Variants in GALP observed in about 807,000 individuals in gnomAD.
GALP encodes galanin like peptide.
In GALP, 12 loss-of-function variants were observed where a neutral mutation model predicts 15.2. The observed-to-expected ratio is 0.79, with a 90% CI of 0.51 to 1.28. The LOEUF (loss-of-function observed/expected upper bound fraction) is 1.28. Ranked by LOEUF, GALP falls within the 50% of genes most tolerant of loss-of-function variation. The pLI is 0.00. For synonymous variants in GALP, 58 were observed against 55.1 expected (o/e 1.05, Z -0.23); for missense variants, 161 against 145.6 (o/e 1.11, Z -0.55).
In GALP at chr19:56,180,657, C is replaced by G. The variant is rs769845070; in HGVS notation, c.136+23C>G. ...CCGGTGAGTGAGGCTGCGCTCAGCT[C>G]TCCATCCCTGGCCCGAGTCTGCCTG... On this transcript the variant is annotated intron_variant, in intron 3 of 5. Coordinates refer to ENST00000357330, the MANE Select transcript of GALP (RefSeq NM_033106.4). 1.9e-6 allele frequency: 3 copies of G among 1,607,616 alleles called. No individual in the cohort carries two copies. In the East Asian group the frequency reaches 6.7e-5, roughly 36 times the overall value.
chr19:56,182,491 G>A (rs563773655), intron 4 of GALP, among the ~76,000 whole-genome samples: 2 of 152,228 alleles, frequency 1.3e-5, no homozygotes, highest in East Asian at 1.9e-4. Flanking sequence ...CATGGGCCCC[G>A]TGTTTTCTCT....
chr19:56,181,382 G>GTC (rs1347230930), intron 3 of GALP, among the ~76,000 whole-genome samples: 12 of 131,880 alleles, frequency 9.1e-5, no homozygotes, highest in Admixed American at 5.6e-4. Flanking sequence ...GCTATTCTTT[G>GTC]TCTCTCTCTC....
At chr19:56,181,460 G>C (rs1399234874) in intron 3 of GALP, among the ~76,000 whole-genome samples, 1 of 130,628 alleles carries the variant, frequency 7.7e-6, no homozygotes, top group Non-Finnish European at 1.5e-5. Flanking sequence ...CTGGAGTGCA[G>C]TGGCGCCAAT....
At chr19:56,182,090 A>T in intron 3 of GALP, 82 bp from the exon 4 acceptor site, 1 of 976,380 alleles carries the variant, frequency 1.0e-6, no homozygotes, top group African/African-American at 1.6e-5. Context: ...CCGGTGAGCC[A>T]TGCTGTTGAA....
In GALP at chr19:56,177,186, T is replaced by G; in HGVS notation, c.78T>G (p.Pro26=). 1 of 1,613,364 alleles carries G rather than the reference T, an allele frequency of 6.2e-7. No individual in the cohort carries two copies. Among genetic ancestry groups the G allele is most frequent in the Non-Finnish European group, 8.5e-7 (1 of 1,179,682 alleles). Residue 26 remains proline (P), a synonymous_variant, in exon 2 of 6, where the codon CCT becomes CCG. Transcript: ENST00000357330. The part of the protein sequence containing the change: ...LSLAETPASA[P]AHRGRGGWTL... ...TGGCAGAGACTCCAGCATCCGCACC[T>G]GCCCACCGGGTAACGCCTCCCTAAG...
chr19:56,182,591 C>T (rs942374652), intron 4 of GALP, among the ~76,000 whole-genome samples: 5 of 152,084 alleles, frequency 3.3e-5, no homozygotes, highest in Non-Finnish European at 5.9e-5. Context: ...AGAAAATGCA[C>T]GTTAATTTCC....
chr19:56,184,448 A>G (rs928053052), intron 5 of GALP, among the ~76,000 whole-genome samples: 1 of 141,528 alleles, frequency 7.1e-6, no homozygotes, highest in African/African-American at 2.6e-5. Flanking sequence ...CCCCAACCCC[A>G]TCTCCTTCTT....
rs10656072 is a variant in GALP at position 56,181,395 on chromosome 19, C to CTTTTT, written c.137-755_137-751dup. On this transcript the variant is annotated intron_variant, in intron 3 of 5. Transcript: ENST00000357330. Reference sequence around the variant, plus strand: ...CTGCTATTCTTTGTCTCTCTCTCTCCTTTTTTTTTTTTTTTTTTTTTTTTT... The same window carrying CTTTTT: ...CTGCTATTCTTTGTCTCTCTCTCTCCTTTTTTTTTTTTTTTTTTTTTTTTTTTTTT... Among the ~76,000 whole-genome samples, 5 of 81,316 alleles carry CTTTTT rather than the reference C, an allele frequency of 6.1e-5. 1 individual carries two copies. The highest frequency in any genetic ancestry group is 1.1e-4 in the Non-Finnish European group (5 of 44,566). The allele number at this position is 81,316 out of a possible 152,430, so 53.3% of individuals were successfully genotyped here. A position where few individuals can be genotyped will look rare whatever the true frequency, so the allele number is the denominator to read the frequency against.
chr19:56,180,063 C>T (rs1020020110), intron 2 of GALP, among the ~76,000 whole-genome samples: 7 of 152,184 alleles, frequency 4.6e-5, no homozygotes, highest in Admixed American at 2.0e-4. Flanking sequence ...AGGCGAGAGC[C>T]ACCACGCCCG....
At chr19:56,182,035 G>A in intron 3 of GALP, 137 bp from the exon 4 acceptor site, 7 of 676,476 alleles carry the variant, frequency 1.0e-5, no homozygotes, top group Admixed American at 8.8e-5. Flanking sequence ...AGGTAGGGAC[G>A]GTCAACACGC....
At chr19:56,179,818 T>C (rs550298748) in intron 2 of GALP, among the ~76,000 whole-genome samples, 5 of 152,130 alleles carry the variant, frequency 3.3e-5, no homozygotes, top group African/African-American at 9.6e-5. Context: ...TTTTGTTTTA[T>C]TGAGACGGAG....
chr19:56,184,462 T>A lies in GALP; in HGVS notation c.296-753T>A, dbSNP rs960499844. The stretch of plus-strand genomic sequence containing the variant: ...GCCCCAACCCCATCTCCTTCTTCAA[T>A]CCTTTTTTTTCTTTTCTTTTTCTTT... On this transcript the variant is annotated intron_variant, in intron 5 of 5. Transcript: ENST00000357330. 2.8e-5 allele frequency among the ~76,000 whole-genome samples: 4 copies of A among 144,506 alleles called. No homozygotes were observed. The Admixed American group carries it at 2.8e-4, about 10-fold the overall frequency. The allele number at this position is 144,506 out of a possible 152,430, so 94.8% of individuals were successfully genotyped here.
intron 2 of GALP, among the ~76,000 whole-genome samples, chr19:56,179,312 CTT>C (rs59121203): frequency 2.1e-5 from 3 of 139,890 alleles, no homozygotes; most frequent in East Asian, 2.0e-4. Flanking sequence ...CTCTTTCTTT[CTT>C]TTTTTTTTTT....
In GALP at chr19:56,177,196, G is replaced by C; in HGVS notation, c.87+1G>C. Reference sequence around the variant, plus strand: ...TCCAGCATCCGCACCTGCCCACCGGGTAACGCCTCCCTAAGTTCCTCGGAA... The same window carrying C: ...TCCAGCATCCGCACCTGCCCACCGGCTAACGCCTCCCTAAGTTCCTCGGAA... On this transcript the variant is annotated splice_donor_variant, in intron 2 of 5. Coordinates refer to ENST00000357330, the MANE Select transcript of GALP (RefSeq NM_033106.4). LOFTEE classifies it high-confidence loss of function. 1 of 1,612,316 alleles carries C rather than the reference G, an allele frequency of 6.2e-7. No homozygotes were observed. Among genetic ancestry groups the C allele is most frequent in the South Asian group, 1.1e-5 (1 of 90,996 alleles).
chr19:56,179,302 C>CTCTT (rs1214678054), intron 2 of GALP, among the ~76,000 whole-genome samples: 1 of 136,232 alleles, frequency 7.3e-6, no homozygotes, highest in Non-Finnish European at 1.5e-5. Context: ...CCTCAAGAGC[C>CTCTT]TCTTTCTTTC....
At chr19:56,177,278 C>A in intron 2 of GALP, 83 bp downstream of exon 2, 2 of 1,166,114 alleles carry the variant, frequency 1.7e-6, no homozygotes, top group Non-Finnish European at 2.5e-6. Context: ...ATGCTTCTGG[C>A]TTGTGTCAAG....
At chr19:56,183,741 GCAC>G (rs1179941228) in intron 5 of GALP, among the ~76,000 whole-genome samples, 3 of 152,068 alleles carry the variant, frequency 2.0e-5, no homozygotes, top group Non-Finnish European at 4.4e-5. Flanking sequence ...GGGATTACAG[GCAC>G]GCGCCACCAT....
intron 3 of GALP, 60 bp from the exon 4 acceptor site, chr19:56,182,112 T>C (rs1038324260): frequency 4.3e-6 from 5 of 1,171,922 alleles, no homozygotes; most frequent in Non-Finnish European, 6.4e-6. Flanking sequence ...TGATGGACGA[T>C]GTGTTTCTTC....
chr19:56,185,265 T>A lies in GALP; in HGVS notation c.346T>A (p.Ser116Thr). Residue 116 changes from serine (S) to threonine (T), a missense_variant, in exon 6 of 6, where the codon TCA becomes ACA. Coordinates refer to ENST00000357330, the MANE Select transcript of GALP (RefSeq NM_033106.4). ...KIPKEEDVLK[S>T] ...TCCCAAGGAGGAAGATGTCCTGAAG[T>A]CATAGATGTCTTCAAATCCCTGTTC... The A allele has an allele frequency of 6.3e-7, 1 of 1,591,086 alleles. No individual in the cohort carries two copies. The highest frequency in any genetic ancestry group is 8.6e-7 in the Non-Finnish European group (1 of 1,159,912).
Sources: gnomAD v4.1 joint callset for allele counts (sites outside exome capture counted in the v4.1 genomes callset) on GRCh38, gnomAD v4.1.1 for gene constraint, MANE v1.5 for transcripts, NCBI Gene and HGNC (gene_info 2026-07-23, HGNC 2026-07-21) for gene names.